SH3BGR: variants seen among roughly 807,000 people sequenced by gnomAD.
SH3BGR encodes the protein SH3 domain binding glutamate rich protein, also known as SH3 domain-binding glutamic acid-rich protein.
In SH3BGR, 29 loss-of-function variants were observed where a neutral mutation model predicts 24.5. The ratio of observed to expected loss-of-function variants is 1.18; its 90% CI spans 0.88 to 1.61. SH3BGR has a LOEUF of 1.61. Ranked by LOEUF, SH3BGR falls within the 40% of genes most tolerant of loss-of-function variation. The probability of loss-of-function intolerance (pLI) is 0.00; values close to 1 mark genes in which losing one functional copy is unlikely to be tolerated. For missense variants in SH3BGR, 162 were observed against 205.8 expected, an observed-to-expected ratio of 0.79 and a Z score of 1.30; for synonymous variants, 55 against 65.7, an observed-to-expected ratio of 0.84 and a Z score of 0.79.
In SH3BGR at chr21:39,511,543, TTG is replaced by T; in HGVS notation, c.436-129_436-128del. 2 of 694,712 alleles carry T rather than the reference TTG, an allele frequency of 2.9e-6. No individual in the cohort carries two copies. Among genetic ancestry groups the T allele is most frequent in the Admixed American group, 2.8e-5 (1 of 35,358 alleles). 43.0% of individuals were successfully genotyped at this position (694,712 alleles called of 1,614,324 possible). A position where few individuals can be genotyped will look rare whatever the true frequency, so the allele number is the denominator to read the frequency against. On this transcript the variant is annotated intron_variant, in intron 5 of 6. Coordinates refer to ENST00000333634, the MANE Select transcript of SH3BGR (RefSeq NM_007341.3). This position sits in a 1 kb window ranked among gnomAD's most constrained non-coding sequence, Gnocchi z 4.2. Reference sequence around the variant, plus strand: ...CATGTGTGGTGTGTGTATTTGTGTGTTGTGTGTGTTTGTTTGTGTGTTGTGTG... The same window carrying T: ...CATGTGTGGTGTGTGTATTTGTGTGTTGTGTGTTTGTTTGTGTGTTGTGTG...
intron 3 of SH3BGR, among the ~76,000 whole-genome samples, chr21:39,485,691 T>C (rs903353730): frequency 8.1e-5 from 12 of 148,534 alleles, no homozygotes; most frequent in South Asian, 2.1e-4. Flanking sequence ...GTTTTCTTTT[T>C]TTTTTTTTTT....
intron 1 of SH3BGR, among the ~76,000 whole-genome samples, chr21:39,454,460 T>C (rs2077622924): frequency 6.6e-6 from 1 of 152,204 alleles, no homozygotes; most frequent in Admixed American, 6.5e-5. Context: ...CTGTGGCACA[T>C]TTTACCACGT....
intron 1 of SH3BGR, among the ~76,000 whole-genome samples, chr21:39,458,569 C>T (rs781667319): frequency 6.6e-6 from 1 of 151,614 alleles, no homozygotes; most frequent in Non-Finnish European, 1.5e-5. Flanking sequence ...AACTCCTGAC[C>T]TCAGGTGATC....
chr21:39,464,713 G>A (rs1157137526), intron 2 of SH3BGR, among the ~76,000 whole-genome samples: 1 of 152,058 alleles, frequency 6.6e-6, no homozygotes, highest in Non-Finnish European at 1.5e-5. Flanking sequence ...TGAACATGTG[G>A]TCCAGTTCAA....
intron 3 of SH3BGR, among the ~76,000 whole-genome samples, chr21:39,481,360 C>G (rs1428475332): frequency 6.6e-6 from 1 of 152,038 alleles, no homozygotes; most frequent in African/African-American, 2.4e-5. Context: ...TATTGCGAAG[C>G]TCCAAATGAA....
intron 4 of SH3BGR, among the ~76,000 whole-genome samples, chr21:39,504,151 C>T (rs2078543245): frequency 6.6e-6 from 1 of 152,202 alleles, no homozygotes; most frequent in African/African-American, 2.4e-5. Context: ...GTCATCCTAT[C>T]TGAAAGTCAT....
intron 6 of SH3BGR, among the ~76,000 whole-genome samples, chr21:39,513,285 G>A (rs925661690): frequency 6.6e-6 from 1 of 152,188 alleles, no homozygotes; most frequent in Non-Finnish European, 1.5e-5. Context: ...ATTGGTGCAT[G>A]TACAAAGAAG....
intron 1 of SH3BGR, among the ~76,000 whole-genome samples, chr21:39,460,416 G>A (rs1001721456): frequency 4.6e-5 from 7 of 151,926 alleles, no homozygotes; most frequent in Non-Finnish European, 8.8e-5. Context: ...GGGTATACTT[G>A]ATATTTGAAT....
chr21:39,458,544 G>A (rs113827697), intron 1 of SH3BGR, among the ~76,000 whole-genome samples: 27,266 of 151,724 alleles, frequency 0.18, 2,577 homozygotes, highest in Middle Eastern at 0.27. Flanking sequence ...CGCCATGTTG[G>A]CCAGGCTGGT....
At chr21:39,450,945 T>A (rs1334132063), upstream of SH3BGR, among the ~76,000 whole-genome samples, 1 of 151,862 alleles carries the variant, frequency 6.6e-6, no homozygotes, top group Non-Finnish European at 1.5e-5. Flanking sequence ...TCGCTGGAAA[T>A]ACAGATACAG....
At chr21:39,510,918 T>TATATATAC (rs2123564618) in intron 5 of SH3BGR, among the ~76,000 whole-genome samples, 1 of 133,582 alleles carries the variant, frequency 7.5e-6, no homozygotes, top group South Asian at 2.4e-4. Context: ...ACTATATATA[T>TATATATAC]ATATATATAT....
chr21:39,451,837 T>G, upstream of SH3BGR: 1 of 1,540,272 alleles, frequency 6.5e-7, no homozygotes, highest in Admixed American at 1.9e-5. Flanking sequence ...GTGGCTGCTT[T>G]TATCGACCAA....
chr21:39,479,238 G>GTGGTGATGGTGGTGGTGA (rs796734411), intron 3 of SH3BGR, among the ~76,000 whole-genome samples: 1 of 144,478 alleles, frequency 6.9e-6, no homozygotes, highest in Non-Finnish European at 1.5e-5. Flanking sequence ...GGTGGTGGTG[G>GTGGTGATGGTGGTGGTGA]TGGTGGTGGT....
At chr21:39,451,029 C>T (rs1453365076), upstream of SH3BGR, among the ~76,000 whole-genome samples, 3 of 152,066 alleles carry the variant, frequency 2.0e-5, no homozygotes, top group Non-Finnish European at 4.4e-5. Flanking sequence ...GTATGTTACC[C>T]AGACTGGTCT....
upstream of SH3BGR, among the ~76,000 whole-genome samples, chr21:39,450,402 C>G (rs1188457608): frequency 6.6e-6 from 1 of 152,182 alleles, no homozygotes; most frequent in Non-Finnish European, 1.5e-5. Context: ...AAGCGATATT[C>G]CAGGAACTGG....
intron 5 of SH3BGR, among the ~76,000 whole-genome samples, chr21:39,510,060 A>G (rs1197388723): frequency 6.9e-6 from 1 of 145,790 alleles, no homozygotes; most frequent in East Asian, 2.0e-4. Context: ...CTCCTGCCTC[A>G]GCCTCCCGAG....
At chr21:39,482,679 T>A (rs895882891) in intron 3 of SH3BGR, among the ~76,000 whole-genome samples, 1 of 151,164 alleles carries the variant, frequency 6.6e-6, no homozygotes, top group African/African-American at 2.4e-5. Flanking sequence ...GAGCAATGCT[T>A]TTTTTTTTGA....
chr21:39,468,719 G>A (rs192888946), intron 2 of SH3BGR, among the ~76,000 whole-genome samples: 29 of 152,328 alleles, frequency 1.9e-4, no homozygotes, highest in Admixed American at 1.1e-3. Context: ...GATTACTGGT[G>A]TGAATCACTA....
chr21:39,489,766 G>A (rs1274539681), intron 3 of SH3BGR, among the ~76,000 whole-genome samples: 1 of 152,222 alleles, frequency 6.6e-6, no homozygotes, highest in Non-Finnish European at 1.5e-5. Context: ...ACATTTGAGA[G>A]CAATTAAGCA....
Sources: allele counts gnomAD v4.1 joint callset (sites outside exome capture counted in the v4.1 genomes callset), GRCh38; gene constraint gnomAD v4.1.1; non-coding constraint Gnocchi (gnomAD v3.1); transcripts MANE v1.5; gene names NCBI Gene and HGNC (gene_info 2026-07-23, HGNC 2026-07-21).